The following RNF145 variants were observed in gnomAD, a reference collection of about 807,000 sequenced individuals.
RNF145 encodes the protein ring finger protein 145.
RNF145 carries 12 observed loss-of-function variants against 57.3 expected under a neutral mutation model. The observed-to-expected ratio is 0.21, with a 90% confidence interval of 0.13 to 0.34. The LOEUF (loss-of-function observed/expected upper bound fraction) is 0.34, where lower values mean the gene tolerates loss of function less well. Among genes scored for constraint, RNF145 ranks in the 10% least tolerant of loss-of-function variants. RNF145 has a pLI of 1.00. For synonymous variants in RNF145, 262 were observed against 288.3 expected, an observed-to-expected ratio of 0.91 and a Z score of 0.92; for missense variants, 429 against 799.0, an observed-to-expected ratio of 0.54 and a Z score of 5.58.
chr5:159,209,781 G>A, upstream of RNF145: 1 of 1,417,028 alleles, frequency 7.1e-7, no homozygotes, highest in Non-Finnish European at 9.6e-7. Flanking sequence ...CACTGTGACA[G>A]GCGCCATTCT....
rs983774332 is a variant in RNF145, at chr5:159,204,394, G to C, written c.-39-738C>G. 3.0e-4 allele frequency among the ~76,000 whole-genome samples: 45 copies of C among 151,862 alleles called. 2 individuals are homozygous for C. The highest frequency in any genetic ancestry group is 4.8e-5 in the African/African-American group (2 of 41,328). ...CAGACCATGATAAGTAGTGGGGGGG[G>C]GCAGGGGGAGGAGGAAATGAAAGGC... On this transcript the variant is annotated intron_variant, in intron 1 of 10. Coordinates refer to ENST00000424310, the MANE Select transcript of RNF145 (RefSeq NM_001199383.2).
rs188574198 is a variant in RNF145 at position 159,201,860 on chromosome 5, T to G, written c.184+1574A>C. ...AGGGAGATACTTTTCATTAAATACT[T>G]TTTATGCTTTTTTATTTCTGAATGT... On this transcript the variant is annotated intron_variant, in intron 2 of 10. Coordinates refer to ENST00000424310, the MANE Select transcript of RNF145 (RefSeq NM_001199383.2). 1.6e-4 allele frequency among the ~76,000 whole-genome samples: 24 copies of G among 152,306 alleles called. No homozygotes were observed. The East Asian group carries it at 2.5e-3, about 16-fold the overall frequency.
At chr5:159,163,650 C>T (rs1391503082) in intron 8 of RNF145, among the ~76,000 whole-genome samples, 2 of 152,188 alleles carry the variant, frequency 1.3e-5, no homozygotes, top group Admixed American at 1.3e-4. Context: ...CTCCTCCAGC[C>T]CTGATCTATC....
intron 6 of RNF145, 48 bp downstream of exon 6, chr5:159,173,935 T>C (rs1483275796): frequency 6.2e-6 from 8 of 1,287,256 alleles, no homozygotes; most frequent in Non-Finnish European, 8.3e-6. Context: ...AGATCAAAGT[T>C]TTCTCTTTCT....
At chr5:159,180,278 G>A (rs1290764290) in intron 4 of RNF145, among the ~76,000 whole-genome samples, 1 of 152,034 alleles carries the variant, frequency 6.6e-6, no homozygotes, top group Non-Finnish European at 1.5e-5. Context: ...ACCTGCAGCA[G>A]TACCCTTGGT....
At chr5:159,208,109 C>G in intron 1 of RNF145, 1 of 1,445,964 alleles carries the variant, frequency 6.9e-7, no homozygotes, top group Non-Finnish European at 9.0e-7. Context: ...AGGCCCCTTC[C>G]TCTCTCCCCG....
intron 4 of RNF145, among the ~76,000 whole-genome samples, chr5:159,179,362 T>C (rs933995269): frequency 6.6e-6 from 1 of 152,112 alleles, no homozygotes; most frequent in East Asian, 1.9e-4. Context: ...AAAATCCCAA[T>C]GTACTCTTTA....
intron 1 of RNF145, chr5:159,208,082 A>C: frequency 6.8e-7 from 1 of 1,477,524 alleles, no homozygotes; most frequent in Non-Finnish European, 8.9e-7. Context: ...CTAATCTTTG[A>C]TGCCTGCTCA....
rs539750441 is a variant in RNF145 at position 159,178,712 on chromosome 5, T to G, written c.386-1845A>C. Reference sequence around the variant, plus strand: ...TTGGAGTATTTTGGATTTCAGATTTTGGGATTAAGGATTTCCAAACAGTAA... The same window carrying G: ...TTGGAGTATTTTGGATTTCAGATTTGGGGATTAAGGATTTCCAAACAGTAA... On this transcript the variant is annotated intron_variant, in intron 4 of 10. Coordinates refer to ENST00000424310, the MANE Select transcript of RNF145 (RefSeq NM_001199383.2). Among the ~76,000 whole-genome samples the G allele has an allele frequency of 4.5e-4, 68 of 152,194 alleles. No individual in the cohort carries two copies. In the South Asian group the frequency reaches 5.0e-3, roughly 11 times the overall value.
chr5:159,180,213 C>T (rs1784844887), intron 4 of RNF145, among the ~76,000 whole-genome samples: 1 of 152,116 alleles, frequency 6.6e-6, no homozygotes, highest in South Asian at 2.1e-4. Flanking sequence ...ATTTATTTTC[C>T]CCTGGACCCT....
At position 159,181,910 on chromosome 5, in the gene RNF145, G is replaced by A. The variant is rs747080777; in HGVS notation, c.385+50C>T. ...GAGTATGCATGAATTTTATAAGTTA[G>A]TAAGACTGGTCGGTTCCTACCTACA... On this transcript the variant is annotated intron_variant, in intron 4 of 10. Transcript: ENST00000424310. 8.5e-6 allele frequency: 9 copies of A among 1,053,284 alleles called. 1 individual carries two copies. In the South Asian group the frequency reaches 1.1e-4, roughly 13 times the overall value. 65.2% of individuals were successfully genotyped at this position (1,053,284 alleles called of 1,614,324 possible). A position where few individuals can be genotyped will look rare whatever the true frequency, so the allele number is the denominator to read the frequency against.
rs534442115 is a variant in RNF145, at chr5:159,185,087, A to C, written c.294-3036T>G. Among the ~76,000 whole-genome samples the C allele has an allele frequency of 3.9e-5, 6 of 152,298 alleles. No individual in the cohort carries two copies. The South Asian group carries it at 1.0e-3, about 26-fold the overall frequency. On this transcript the variant is annotated intron_variant, in intron 3 of 10. Coordinates refer to ENST00000424310, the MANE Select transcript of RNF145 (RefSeq NM_001199383.2). ...AATTTAAGTCTGTATCATTCATCAT[A>C]GCCTCAAAATTAGTATCATCCCTAG...
In RNF145 at chr5:159,203,474, A is replaced by G; in HGVS notation, c.144T>C (p.Leu48=). The change falls in exon 2 of 11, where the codon CTT becomes CTC. Residue 48 remains leucine, a synonymous_variant. Transcript: ENST00000424310. ...IQRSSLSNNP[L]FQYKYLALNM... The stretch of plus-strand genomic sequence containing the variant: ...TAAGAGCCAAATACTTATACTGGAA[A>G]AGAGGGTTATTACTAAGGCTACTTC... 2 of 1,614,132 alleles carry G rather than the reference A, an allele frequency of 1.2e-6. No homozygotes were observed. Among genetic ancestry groups the G allele is most frequent in the Non-Finnish European group, 1.7e-6 (2 of 1,179,962 alleles).
rs190033816 is a variant in RNF145 at position 159,158,660 on chromosome 5, T to C, written c.*10A>G. ...CAGAGTATCAAAGCATCATTCCTGC[T>C]GCTTCTCCTCTAGGCTGATTCAACA... On this transcript the variant is annotated 3_prime_UTR_variant, in exon 11 of 11. Transcript: ENST00000424310. The C allele has an allele frequency of 3.2e-5, 51 of 1,610,250 alleles. No homozygotes were observed. The highest frequency in any genetic ancestry group is 1.3e-4 in the Admixed American group (8 of 59,880).
At position 159,203,653 on chromosome 5, in the gene RNF145, A is replaced by C; in HGVS notation, c.-36T>G. On this transcript the variant is annotated 5_prime_UTR_variant, in exon 2 of 11. Coordinates refer to ENST00000424310, the MANE Select transcript of RNF145 (RefSeq NM_001199383.2). ...TTTTTCTTTTTTTTTTTCTTGGAGAAGACCTAAAATTCAGAAGACACAATA... is the reference window on the plus strand; with the variant it reads ...TTTTTCTTTTTTTTTTTCTTGGAGACGACCTAAAATTCAGAAGACACAATA... 2 of 1,578,548 alleles carry C rather than the reference A, an allele frequency of 1.3e-6. No individual in the cohort carries two copies. The highest frequency in any genetic ancestry group is 1.7e-6 in the Non-Finnish European group (2 of 1,166,454).
chr5:159,164,115 C>G (rs1210091899), intron 8 of RNF145, among the ~76,000 whole-genome samples: 3 of 152,080 alleles, frequency 2.0e-5, no homozygotes, highest in Non-Finnish European at 4.4e-5. Context: ...CACACAAGGT[C>G]AAATGCTATA....
At chr5:159,200,986 T>C (rs148666033) in intron 2 of RNF145, among the ~76,000 whole-genome samples, 5 of 152,350 alleles carry the variant, frequency 3.3e-5, no homozygotes, top group East Asian at 3.9e-4. Context: ...TATAGGATTG[T>C]AGGAACTCTC....
intron 5 of RNF145, 83 bp from the exon 6 acceptor site, chr5:159,174,241 A>G (rs1784644837): frequency 4.5e-6 from 4 of 896,712 alleles, no homozygotes; most frequent in Non-Finnish European, 6.7e-6. Context: ...CAGAAGTAAA[A>G]TATTAAATAG....
At chr5:159,197,335 T>C (rs58978893) in intron 2 of RNF145, among the ~76,000 whole-genome samples, 1,760 of 152,306 alleles carry the variant, frequency 0.012, 36 homozygotes, top group African/African-American at 0.041. Context: ...GAGATGATGC[T>C]GAAAGAACTA....
Sources: allele counts gnomAD v4.1 joint callset (sites outside exome capture counted in the v4.1 genomes callset), GRCh38; gene constraint gnomAD v4.1.1; transcripts MANE v1.5; gene names NCBI Gene and HGNC (gene_info 2026-07-23, HGNC 2026-07-21).